Variants in SLC39A11 observed in about 807,000 individuals in gnomAD.
SLC39A11 encodes zinc transporter ZIP11.
SLC39A11 carries 33 observed loss-of-function variants against 36.1 expected under a neutral mutation model. The ratio of observed to expected loss-of-function variants is 0.91; its 90% confidence interval spans 0.69 to 1.22. The LOEUF is 1.22. Among genes scored for constraint, SLC39A11 ranks in the 50% most tolerant of loss-of-function variants. SLC39A11 has a pLI of 0.00. For missense variants in SLC39A11, 432 were observed against 430.3 expected (o/e 1.00, Z -0.03); for synonymous variants, 166 against 170.3 (o/e 0.97, Z 0.20).
intron 6 of SLC39A11, among the ~76,000 whole-genome samples, chr17:72,807,553 A>G (rs957389300): frequency 1.3e-5 from 2 of 152,138 alleles, no homozygotes; most frequent in Non-Finnish European, 2.9e-5. Flanking sequence ...AACCCCACCC[A>G]CTGACCTCCT....
intron 3 of SLC39A11, among the ~76,000 whole-genome samples, chr17:73,038,531 T>C (rs1228440248): frequency 7.1e-6 from 1 of 140,502 alleles, no homozygotes; most frequent in Non-Finnish European, 1.6e-5. Flanking sequence ...AAACGCTTTC[T>C]CTACTAAAAA....
At chr17:72,709,784 C>T (rs1477156724) in intron 7 of SLC39A11, among the ~76,000 whole-genome samples, 6 of 152,158 alleles carry the variant, frequency 3.9e-5, no homozygotes, top group African/African-American at 1.4e-4. Flanking sequence ...GAACTTAACT[C>T]TTTTATAAGT....
chr17:72,803,600 T>C (rs1263743144), intron 6 of SLC39A11, among the ~76,000 whole-genome samples: 3 of 152,198 alleles, frequency 2.0e-5, no homozygotes, highest in Non-Finnish European at 4.4e-5. Context: ...AGGGTTCTCC[T>C]TTCAAGCACT....
chr17:72,666,602 T>C (rs1415927949), intron 7 of SLC39A11, among the ~76,000 whole-genome samples: 2 of 152,168 alleles, frequency 1.3e-5, no homozygotes, highest in Admixed American at 6.5e-5. Context: ...TTTAGACGGA[T>C]CTATACCTTC....
intron 6 of SLC39A11, among the ~76,000 whole-genome samples, chr17:72,763,405 C>T (rs1379328052): frequency 6.6e-6 from 1 of 152,200 alleles, no homozygotes; most frequent in Admixed American, 6.5e-5. Flanking sequence ...GACCCAGAAC[C>T]GACATCACAT....
chr17:72,943,162 T>A (rs2085221936), intron 5 of SLC39A11, among the ~76,000 whole-genome samples: 1 of 152,216 alleles, frequency 6.6e-6, no homozygotes, highest in Non-Finnish European at 1.5e-5. Flanking sequence ...AACTCCATCG[T>A]GTTCCCGAAC....
At chr17:72,666,992 A>G (rs535361091) in intron 7 of SLC39A11, among the ~76,000 whole-genome samples, 2 of 152,212 alleles carry the variant, frequency 1.3e-5, no homozygotes, top group Non-Finnish European at 2.9e-5. Flanking sequence ...GCACCTTCAG[A>G]GCTGATAATG....
chr17:72,772,313 C>A (rs980613196), intron 6 of SLC39A11, among the ~76,000 whole-genome samples: 7 of 152,324 alleles, frequency 4.6e-5, no homozygotes, highest in Middle Eastern at 3.4e-3. Flanking sequence ...TTGAGACTGT[C>A]CAGCCCACCA....
chr17:72,911,695 G>T (rs1567937928), intron 5 of SLC39A11, among the ~76,000 whole-genome samples: 1 of 152,194 alleles, frequency 6.6e-6, no homozygotes, highest in Admixed American at 6.5e-5. Context: ...CCAGGCTGGA[G>T]TACAATGGTG....
chr17:72,994,418 G>C (rs528419796), intron 4 of SLC39A11, among the ~76,000 whole-genome samples: 1 of 152,256 alleles, frequency 6.6e-6, no homozygotes, highest in East Asian at 1.9e-4. Flanking sequence ...ATAAAAAAGA[G>C]GTAATTATAA....
chr17:73,081,100 C>T (rs190962970), intron 3 of SLC39A11, among the ~76,000 whole-genome samples: 1 of 152,118 alleles, frequency 6.6e-6, no homozygotes, highest in African/African-American at 2.4e-5. Flanking sequence ...CCAGAATCTA[C>T]AAGGAACTCA....
At chr17:73,041,900 G>A (rs1453110390) in intron 3 of SLC39A11, among the ~76,000 whole-genome samples, 1 of 152,068 alleles carries the variant, frequency 6.6e-6, no homozygotes, top group African/African-American at 2.4e-5. Context: ...ACCTAGAAAG[G>A]CTCATAATCC....
intron 4 of SLC39A11, among the ~76,000 whole-genome samples, chr17:73,027,920 T>TTC (rs2148649996): frequency 6.6e-6 from 1 of 152,244 alleles, no homozygotes; most frequent in Non-Finnish European, 1.5e-5. Context: ...ACTGACCCAC[T>TTC]TCCTTTCACC....
chr17:72,761,625 T>C lies in SLC39A11; in HGVS notation c.602-24906A>G, dbSNP rs532819101. Among the ~76,000 whole-genome samples, 3 of 152,358 alleles carry C rather than the reference T, an allele frequency of 2.0e-5. No individual in the cohort carries two copies. The East Asian group carries it at 5.8e-4, about 29-fold the overall frequency. On this transcript the variant is annotated intron_variant, in intron 6 of 9. Transcript: ENST00000255559. ...TCTGCATTTGAAAGATAAGAAAGCT[T>C]GATCCCTGAGAGGCTAAGCAACCTG...
chr17:72,858,968 C>T (rs9902308), intron 5 of SLC39A11, among the ~76,000 whole-genome samples: 71,127 of 152,062 alleles, frequency 0.47, 18,547 homozygotes, highest in Non-Finnish European at 0.58. Context: ...TCCTGTCTTC[C>T]TATTTGGATG....
At chr17:72,824,881 G>A (rs2077947215) in intron 6 of SLC39A11, among the ~76,000 whole-genome samples, 2 of 151,308 alleles carry the variant, frequency 1.3e-5, no homozygotes, top group Non-Finnish European at 3.0e-5. Context: ...ATGGTCATAT[G>A]TGTGAGCAAA....
intron 7 of SLC39A11, among the ~76,000 whole-genome samples, chr17:72,663,453 G>T (rs963288401): frequency 2.6e-5 from 4 of 152,160 alleles, no homozygotes; most frequent in African/African-American, 9.7e-5. Flanking sequence ...TCAAGAAACG[G>T]AACATCACCA....
chr17:73,082,732 C>T (rs1462869096), intron 3 of SLC39A11, among the ~76,000 whole-genome samples: 4 of 152,020 alleles, frequency 2.6e-5, no homozygotes, highest in Non-Finnish European at 5.9e-5. Flanking sequence ...AATTGTGGGC[C>T]GGGCATGGTG....
intron 5 of SLC39A11, among the ~76,000 whole-genome samples, chr17:72,898,534 T>C (rs543816074): frequency 3.9e-5 from 6 of 152,190 alleles, no homozygotes; most frequent in South Asian, 4.2e-4. Context: ...TGCTGTGACA[T>C]AGAGGCAGGG....
Sources: gnomAD v4.1 joint callset for allele counts (sites outside exome capture counted in the v4.1 genomes callset) on GRCh38, gnomAD v4.1.1 for gene constraint, MANE v1.5 for transcripts, NCBI Gene and HGNC (gene_info 2026-07-23, HGNC 2026-07-21) for gene names.